Variants in SYNE2 observed in about 807,000 individuals in gnomAD.
SYNE2 encodes the protein spectrin repeat containing nuclear envelope protein 2.
Under a neutral mutation model 856.3 loss-of-function variants are expected in SYNE2, and 431 were observed. That is an observed-to-expected ratio of 0.50 (90% CI 0.47 to 0.55). The LOEUF is 0.55. SYNE2 is among the 20% of genes least tolerant of loss of function. SYNE2 has a pLI of 0.00. For synonymous variants in SYNE2, 2,923 were observed against 2,872.3 expected, an observed-to-expected ratio of 1.02 and a Z score of -0.56; for missense variants, 8,129 against 8,023.2, an observed-to-expected ratio of 1.01 and a Z score of -0.50.
At chr14:64,210,800 A>G (rs914035361) in intron 103 of SYNE2, among the ~76,000 whole-genome samples, 2 of 152,160 alleles carry the variant, frequency 1.3e-5, no homozygotes, top group South Asian at 2.1e-4. Context: ...CATTCTAGAA[A>G]GATGTAAATC....
chr14:64,122,434 C>G lies in SYNE2; in HGVS notation c.13422+7C>G. On this transcript the variant is annotated splice_region_variant and intron_variant, in intron 70 of 115. Transcript: ENST00000555002. ...TCAGCTTGTGGAGCCTCAGGTCAGT[C>G]TGTATCTACATGGTGCAAATAGCCT... The G allele has an allele frequency of 6.2e-7, 1 of 1,614,176 alleles. No individual in the cohort carries two copies. The highest frequency in any genetic ancestry group is 8.5e-7 in the Non-Finnish European group (1 of 1,180,030).
intron 23 of SYNE2, 122 bp downstream of exon 23, chr14:63,995,324 G>T: frequency 1.3e-6 from 1 of 760,624 alleles, no homozygotes; most frequent in East Asian, 2.8e-5. Context: ...TCCTCTCCCC[G>T]GGGATGATCA....
intron 1 of SYNE2, among the ~76,000 whole-genome samples, chr14:63,820,788 C>G (rs1889183682): frequency 6.8e-6 from 1 of 147,414 alleles, no homozygotes. Flanking sequence ...CTCACTCTTT[C>G]ACCCAGGCTG....
chr14:63,897,604 C>A (rs763552805), intron 1 of SYNE2, among the ~76,000 whole-genome samples: 2 of 152,150 alleles, frequency 1.3e-5, no homozygotes, highest in Non-Finnish European at 2.9e-5. Context: ...TTTGCTGAGC[C>A]CTCCTGGGCC....
At chr14:64,089,182 A>G (rs2153624793) in intron 58 of SYNE2, among the ~76,000 whole-genome samples, 1 of 152,160 alleles carries the variant, frequency 6.6e-6, no homozygotes, top group South Asian at 2.1e-4. Flanking sequence ...CCTGGCCAAC[A>G]TGGCGAAACT....
intron 94 of SYNE2, among the ~76,000 whole-genome samples, chr14:64,173,424 C>T (rs950192990): frequency 6.6e-6 from 1 of 152,140 alleles, no homozygotes; most frequent in Non-Finnish European, 1.5e-5. Flanking sequence ...TTGTGTGCTG[C>T]TCCTGAGGGT....
In SYNE2 at chr14:64,137,841, G is replaced by A. The variant is rs766116136; in HGVS notation, c.14701G>A (p.Glu4901Lys). 4.5e-5 allele frequency: 73 copies of A among 1,614,042 alleles called. No homozygotes were observed. Among genetic ancestry groups the A allele is most frequent in the Non-Finnish European group, 5.5e-5 (65 of 1,180,036 alleles). ...CGCCCGGCTTTACCAAACTCTGAAC[G>A]AAGGCAAACAGTTGGTGGCGTCTGT... Reference protein sequence around the residue: ...KHARLYQTLNEGKQLVASVSC... With the variant: ...KHARLYQTLNKGKQLVASVSC... The change falls in exon 79 of 116, where the codon GAA (glutamate) becomes AAA (lysine). Residue 4901 changes from glutamate to lysine, a missense_variant. By Grantham distance (56) the Glu-to-Lys change is moderately conservative. This residue lies in a region of SYNE2 where 5,410 missense variants were observed against 5,284.8 expected (regional missense o/e 1.02). Coordinates refer to ENST00000555002, the MANE Select transcript of SYNE2 (RefSeq NM_182914.3).
chr14:63,923,532 C>T (rs2095625163), intron 2 of SYNE2, among the ~76,000 whole-genome samples: 1 of 152,204 alleles, frequency 6.6e-6, no homozygotes, highest in African/African-American at 2.4e-5. Flanking sequence ...TTTCTAAATT[C>T]CTATAGCATG....
chr14:63,793,260 T>C (rs565384218), intron 1 of SYNE2, among the ~76,000 whole-genome samples: 1 of 152,284 alleles, frequency 6.6e-6, no homozygotes, highest in South Asian at 2.1e-4. Context: ...CAAATTCATC[T>C]TTATGTCCAC....
chr14:63,941,573 C>A, intron 3 of SYNE2, 122 bp from the exon 4 acceptor site: 1 of 791,708 alleles, frequency 1.3e-6, no homozygotes, highest in East Asian at 2.5e-5. Flanking sequence ...CTCTCATTCT[C>A]TTAATTAAGA....
intron 11 of SYNE2, among the ~76,000 whole-genome samples, chr14:63,975,109 C>G (rs750459257): frequency 2.6e-5 from 4 of 151,224 alleles, no homozygotes; most frequent in Non-Finnish European, 5.9e-5. Context: ...GGTTTACACT[C>G]TGACATAGGG....
rs151291755 is a variant in SYNE2, at chr14:63,997,203, C to G, written c.3152+45C>G. The G allele has an allele frequency of 2.0e-3, 3,181 of 1,596,150 alleles. 6 individuals are homozygous for G. The highest frequency in any genetic ancestry group is 4.1e-3 in the South Asian group (365 of 90,120). ...AGCTACCCTTCAGGATAAAACGAAG[C>G]CTTTTGCACGATCAAATGACATTAA... On this transcript the variant is annotated intron_variant, in intron 24 of 115. Coordinates refer to ENST00000555002, the MANE Select transcript of SYNE2 (RefSeq NM_182914.3).
At chr14:64,080,294 T>C (rs1487326998) in intron 55 of SYNE2, among the ~76,000 whole-genome samples, 162 bp from the exon 56 acceptor site, 5 of 152,194 alleles carry the variant, frequency 3.3e-5, no homozygotes, top group Non-Finnish European at 7.3e-5. Context: ...TTTTTCAGTT[T>C]AGATCACAAA....
Position 63,990,498 on chromosome 14 carries a change from C to T in SYNE2, c.2401C>T (p.Gln801Ter). The T allele has an allele frequency of 6.2e-7, 1 of 1,613,710 alleles. No individual in the cohort carries two copies. Among genetic ancestry groups the T allele is most frequent in the Non-Finnish European group, 8.5e-7 (1 of 1,179,856 alleles). Residue 801 changes from glutamine to a stop codon, truncating the protein, a stop_gained, in exon 20 of 116, where the codon CAG (glutamine) becomes TAG (stop). Transcript: ENST00000555002. LOFTEE classifies it high-confidence loss of function. ...LQMDIQNISSQESFQHVLTTG... is the reference protein window; with the variant it reads ...LQMDIQNISS ...AATGGATATACAAAATATTTCAAGC[C>T]AGGAGTCCTTTCAACATGTTCTCAC...
rs576205181 is a variant in SYNE2 at position 64,142,566 on chromosome 14, G to A, written c.15306+478G>A. ...ACCCCTGACTCTCCCAGCCAGACTA[G>A]GTGACTTTCCTGGATTAGATGTCTC... is the stretch of plus-strand genomic sequence containing the variant. On this transcript the variant is annotated intron_variant, in intron 82 of 115. Transcript: ENST00000555002. Among the ~76,000 whole-genome samples the A allele has an allele frequency of 2.0e-5, 3 of 152,234 alleles. No individual in the cohort carries two copies. In the South Asian group the frequency reaches 6.2e-4, roughly 32 times the overall value.
At chr14:63,880,280 C>T (rs2094828425) in intron 1 of SYNE2, among the ~76,000 whole-genome samples, 2 of 152,060 alleles carry the variant, frequency 1.3e-5, no homozygotes, top group Non-Finnish European at 2.9e-5. Flanking sequence ...TTAGTAGAGA[C>T]AGGGTTTCGC....
intron 47 of SYNE2, 58 bp downstream of exon 47, chr14:64,049,934 C>G (rs1168715621): frequency 8.2e-6 from 13 of 1,593,338 alleles, no homozygotes; most frequent in Non-Finnish European, 7.7e-6. Context: ...CATCTGCCAC[C>G]TTGGACAGGC....
intron 49 of SYNE2, among the ~76,000 whole-genome samples, chr14:64,060,823 A>G (rs896659952): frequency 2.0e-5 from 3 of 152,060 alleles, no homozygotes; most frequent in African/African-American, 7.2e-5. Flanking sequence ...TCTAGTTTCA[A>G]CCACTGGGAT....
At position 64,190,116 on chromosome 14, in the gene SYNE2, T is replaced by A. The variant is rs1192863742; in HGVS notation, c.17917T>A (p.Leu5973Ile). 1 of 1,614,120 alleles carries A rather than the reference T, an allele frequency of 6.2e-7. No homozygotes were observed. Among genetic ancestry groups the A allele is most frequent in the Admixed American group, 1.7e-5 (1 of 60,014 alleles). Residue 5973 changes from leucine (L) to isoleucine (I), a missense_variant, in exon 99 of 116, where the codon TTA becomes ATA. Coordinates refer to ENST00000555002, the MANE Select transcript of SYNE2 (RefSeq NM_182914.3). ...INLFSENKLQ[L>I]KQMGDQLIKA... ...CTTGTTTAGTGAAAACAAGTTACAG[T>A]TAAAGCAGATGGGTGACCAGTTGAT...
Sources: gnomAD v4.1 joint callset for allele counts (sites outside exome capture counted in the v4.1 genomes callset) on GRCh38, gnomAD v4.1.1 for gene constraint, gnomAD v4.1.1 regional missense constraint, MANE v1.5 for transcripts, NCBI Gene and HGNC (gene_info 2026-07-23, HGNC 2026-07-21) for gene names.